Variants in SERGEF observed in about 807,000 individuals in gnomAD.
The protein encoded by SERGEF is secretion regulating guanine nucleotide exchange factor, also known as secretion-regulating guanine nucleotide exchange factor.
Under a neutral mutation model 50.0 loss-of-function variants are expected in SERGEF, and 51 were observed. The observed-to-expected ratio is 1.02, with a 90% CI of 0.81 to 1.29. SERGEF has a LOEUF of 1.29. SERGEF is among the 50% of genes most tolerant of loss of function. SERGEF has a pLI of 0.00. For missense variants in SERGEF, 521 were observed against 557.0 expected, an observed-to-expected ratio of 0.94 and a Z score of 0.65; for synonymous variants, 205 against 212.4, an observed-to-expected ratio of 0.97 and a Z score of 0.30.
At chr11:17,830,649 G>GGAGAGA (rs55967425) in intron 10 of SERGEF, among the ~76,000 whole-genome samples, 1,064 of 77,736 alleles carry the variant, frequency 0.014, 56 homozygotes, top group African/African-American at 0.026. Flanking sequence ...GGAGAGGGAG[G>GGAGAGA]GAGAGAGAGA....
intron 9 of SERGEF, among the ~76,000 whole-genome samples, chr11:17,939,866 G>C (rs561796877): frequency 2.1e-4 from 32 of 152,246 alleles, no homozygotes; most frequent in Middle Eastern, 6.8e-3. Flanking sequence ...TTGGTAATAG[G>C]GTTGTCAGTC....
chr11:17,969,214 C>A (rs1194659185), intron 8 of SERGEF, among the ~76,000 whole-genome samples: 1 of 152,152 alleles, frequency 6.6e-6, no homozygotes, highest in African/African-American at 2.4e-5. Flanking sequence ...CAGGGTCCAG[C>A]AGCACATCAC....
intron 1 of SERGEF, chr11:18,012,404 C>T (rs981740839): frequency 3.8e-6 from 3 of 795,644 alleles, no homozygotes; most frequent in African/African-American, 3.8e-5. Context: ...CCAACAGCAG[C>T]CCAACTCCCC....
chr11:17,860,511 A>G (rs775380287), intron 10 of SERGEF, among the ~76,000 whole-genome samples: 1 of 152,212 alleles, frequency 6.6e-6, no homozygotes, highest in Non-Finnish European at 1.5e-5. Context: ...ATAGAGATAG[A>G]CACCCCAAAA....
chr11:17,842,516 T>C (rs1323038301), intron 10 of SERGEF, among the ~76,000 whole-genome samples: 1 of 152,232 alleles, frequency 6.6e-6, no homozygotes, highest in African/African-American at 2.4e-5. Context: ...CTTTCAGTAC[T>C]ATGAGGTATA....
chr11:17,797,432 G>A (rs1318600205), intron 10 of SERGEF, among the ~76,000 whole-genome samples: 6 of 152,198 alleles, frequency 3.9e-5, no homozygotes, highest in African/African-American at 1.4e-4. Flanking sequence ...GGCCCTGACA[G>A]CCACAGGTTC....
intron 9 of SERGEF, among the ~76,000 whole-genome samples, chr11:17,910,147 C>G (rs575043750): frequency 6.6e-6 from 1 of 151,682 alleles, no homozygotes; most frequent in African/African-American, 2.4e-5. Context: ...TTCAGAGGAA[C>G]AGACTTGGAA....
chr11:17,954,540 G>C (rs1852827909), intron 9 of SERGEF, among the ~76,000 whole-genome samples: 1 of 152,208 alleles, frequency 6.6e-6, no homozygotes, highest in African/African-American at 2.4e-5. Context: ...CATTCCGACA[G>C]ATTGCACTTA....
intron 5 of SERGEF, among the ~76,000 whole-genome samples, chr11:17,998,434 TACATAC>T (rs374530609): frequency 0.013 from 122 of 9,288 alleles, no homozygotes; most frequent in East Asian, 0.026. Flanking sequence ...CATACATACA[TACATAC>T]ATATATATAT....
intron 10 of SERGEF, among the ~76,000 whole-genome samples, chr11:17,790,981 T>A (rs1348016016): frequency 6.6e-6 from 1 of 152,220 alleles, no homozygotes; most frequent in Non-Finnish European, 1.5e-5. Context: ...TTTGCAAGTA[T>A]TCTTTGTGTA....
intron 9 of SERGEF, among the ~76,000 whole-genome samples, chr11:17,906,661 C>G (rs1851847720): frequency 6.6e-6 from 1 of 152,170 alleles, no homozygotes; most frequent in Admixed American, 6.5e-5. Flanking sequence ...CTCTATTTAG[C>G]TGTTCGCTAG....
intron 10 of SERGEF, among the ~76,000 whole-genome samples, chr11:17,821,942 T>TC (rs1238428265): frequency 6.6e-6 from 1 of 151,950 alleles, no homozygotes; most frequent in Non-Finnish European, 1.5e-5. Flanking sequence ...AGGGCAATTC[T>TC]CCCCAAAAAA....
intron 10 of SERGEF, among the ~76,000 whole-genome samples, chr11:17,873,719 C>A (rs1434492531): frequency 6.6e-6 from 1 of 151,930 alleles, no homozygotes; most frequent in Non-Finnish European, 1.5e-5. Flanking sequence ...CTGCCAATAA[C>A]CAACCCTTTA....
At chr11:18,006,809 A>G (rs1482046914) in intron 2 of SERGEF, 63 bp from the exon 3 acceptor site, 1 of 1,560,256 alleles carries the variant, frequency 6.4e-7, no homozygotes, top group Non-Finnish European at 8.7e-7. Flanking sequence ...CAAAATGAAC[A>G]AAAAGATTTC....
intron 9 of SERGEF, among the ~76,000 whole-genome samples, chr11:17,957,315 G>C (rs1473523855): frequency 6.6e-6 from 1 of 152,200 alleles, no homozygotes; most frequent in Non-Finnish European, 1.5e-5. Flanking sequence ...AACAGTTTCT[G>C]AGTGCCTACT....
rs1053457478 is a variant in SERGEF at position 17,969,495 on chromosome 11, A to T, written c.845-9859T>A. ...AGCTAAGAATCACACCCTACAGAAA[A>T]GCTAGTAGTAGGCTGGGGGGTGAGG... is the stretch of plus-strand genomic sequence containing the variant. On this transcript the variant is annotated intron_variant, in intron 8 of 10. Transcript: ENST00000265965. Among the ~76,000 whole-genome samples, 6 of 152,130 alleles carry T rather than the reference A, an allele frequency of 3.9e-5. No individual in the cohort carries two copies. In the East Asian group the frequency reaches 9.6e-4, roughly 24 times the overall value.
In SERGEF at chr11:17,970,589, A is replaced by G. The variant is rs188622185; in HGVS notation, c.845-10953T>C. On this transcript the variant is annotated intron_variant, in intron 8 of 10. Transcript: ENST00000265965. ...AGGAAGGTATGTCAAAAGCCAAGAT[A>G]GGCTAAAAAGCTAGGCCTCTTGCAC... Among the ~76,000 whole-genome samples, 20 of 152,362 alleles carry G rather than the reference A, an allele frequency of 1.3e-4. No homozygotes were observed. In the East Asian group the frequency reaches 3.9e-3, roughly 29 times the overall value.
intron 9 of SERGEF, among the ~76,000 whole-genome samples, chr11:17,905,715 C>A (rs1851827607): frequency 6.6e-6 from 1 of 152,172 alleles, no homozygotes; most frequent in African/African-American, 2.4e-5. Flanking sequence ...GAAATGAGGA[C>A]AAGTGCACAA....
chr11:17,901,031 C>A (rs1354383616), intron 9 of SERGEF, among the ~76,000 whole-genome samples: 1 of 152,016 alleles, frequency 6.6e-6, no homozygotes, highest in Non-Finnish European at 1.5e-5. Context: ...CCCACCTCAT[C>A]CCTTCCCACC....
Sources: gnomAD v4.1 joint callset for allele counts (sites outside exome capture counted in the v4.1 genomes callset) on GRCh38, gnomAD v4.1.1 for gene constraint, MANE v1.5 for transcripts, NCBI Gene and HGNC (gene_info 2026-07-23, HGNC 2026-07-21) for gene names.